SPATA17: variants seen among roughly 807,000 people sequenced by gnomAD.
The protein encoded by SPATA17 is spermatogenesis associated 17, also known as spermatogenesis-associated protein 17.
A neutral mutation model predicts 62.2 loss-of-function variants in SPATA17; 53 were observed. The observed-to-expected ratio is 0.85, with a 90% CI of 0.68 to 1.07. SPATA17 has a LOEUF of 1.07. SPATA17 is among the 50% of genes least tolerant of loss of function. SPATA17 has a pLI of 0.00. For missense variants in SPATA17, 466 were observed against 425.5 expected, an observed-to-expected ratio of 1.10 and a Z score of -0.84; for synonymous variants, 146 against 146.8, an observed-to-expected ratio of 0.99 and a Z score of 0.04.
intron 1 of SPATA17, among the ~76,000 whole-genome samples, chr1:217,633,108 G>T (rs1417112540): frequency 6.6e-6 from 1 of 152,094 alleles, no homozygotes; most frequent in East Asian, 1.9e-4. Context: ...TGAGGCAAGA[G>T]AATCAGTTGA....
At chr1:217,638,881 T>C (rs1408056552) in intron 1 of SPATA17, among the ~76,000 whole-genome samples, 1 of 151,956 alleles carries the variant, frequency 6.6e-6, no homozygotes, top group Non-Finnish European at 1.5e-5. Flanking sequence ...AATATAAATA[T>C]GTTAGGAAGG....
intron 9 of SPATA17, chr1:217,850,771 G>A: frequency 5.0e-6 from 3 of 597,392 alleles, no homozygotes; most frequent in Non-Finnish European, 8.1e-6. Flanking sequence ...TTATTTTTAT[G>A]TATATTTGAA....
intron 5 of SPATA17, among the ~76,000 whole-genome samples, chr1:217,719,521 A>G (rs1672077518): frequency 6.6e-6 from 1 of 152,204 alleles, no homozygotes; most frequent in African/African-American, 2.4e-5. Context: ...CTTCTTTGGG[A>G]AAGGAATGAA....
At chr1:217,650,827 A>G (rs1670296219) in intron 2 of SPATA17, among the ~76,000 whole-genome samples, 2 of 152,250 alleles carry the variant, frequency 1.3e-5, no homozygotes, top group South Asian at 4.1e-4. Flanking sequence ...ACATTCAAAA[A>G]TATGTTAAAG....
intron 5 of SPATA17, among the ~76,000 whole-genome samples, chr1:217,728,222 A>T (rs1672314856): frequency 6.6e-6 from 1 of 152,176 alleles, no homozygotes; most frequent in South Asian, 2.1e-4. Context: ...ATAGGAAATA[A>T]TATTTTAATC....
chr1:217,784,681 A>G (rs1261503024), intron 8 of SPATA17, among the ~76,000 whole-genome samples: 1 of 152,190 alleles, frequency 6.6e-6, no homozygotes, highest in Non-Finnish European at 1.5e-5. Flanking sequence ...GAGAATTATT[A>G]ACATGCTTTG....
intron 5 of SPATA17, among the ~76,000 whole-genome samples, chr1:217,690,479 T>A (rs1238022171): frequency 3.1e-4 from 46 of 146,624 alleles, no homozygotes; most frequent in African/African-American, 9.9e-4. Context: ...TTTTATTTTT[T>A]TTTTTTTTAA....
chr1:217,846,019 G>T (rs1675518593), intron 9 of SPATA17, among the ~76,000 whole-genome samples: 1 of 152,064 alleles, frequency 6.6e-6, no homozygotes, highest in Non-Finnish European at 1.5e-5. Context: ...TAGCCTCTAT[G>T]ATAGAAAAGA....
chr1:217,819,641 A>C (rs1431505564), intron 9 of SPATA17, among the ~76,000 whole-genome samples: 2 of 152,064 alleles, frequency 1.3e-5, no homozygotes, highest in East Asian at 3.9e-4. Flanking sequence ...TTTTACACCC[A>C]AAGGTTTGCA....
At chr1:217,856,946 G>A (rs1285962587) in intron 9 of SPATA17, among the ~76,000 whole-genome samples, 2 of 152,120 alleles carry the variant, frequency 1.3e-5, no homozygotes, top group East Asian at 3.8e-4. Flanking sequence ...TTGAAGTCTC[G>A]TTCAGGATAT....
chr1:217,652,653 G>T (rs544437237), intron 3 of SPATA17, among the ~76,000 whole-genome samples: 69 of 152,116 alleles, frequency 4.5e-4, no homozygotes, highest in Admixed American at 8.5e-4. Context: ...TTAACATTTT[G>T]GAAAGGAAAA....
chr1:217,748,286 GA>G, intron 6 of SPATA17, among the ~76,000 whole-genome samples: 1 of 139,954 alleles, frequency 7.1e-6, no homozygotes, highest in South Asian at 2.3e-4. Flanking sequence ...CTGGGCAACA[GA>G]GCGAGACTCC....
intron 5 of SPATA17, among the ~76,000 whole-genome samples, chr1:217,699,032 C>T (rs1671531261): frequency 1.3e-5 from 2 of 152,116 alleles, no homozygotes; most frequent in Admixed American, 6.6e-5. Context: ...AAAATGTGCT[C>T]AAGTTGTTGC....
chr1:217,648,183 C>T (rs531296061), intron 1 of SPATA17, among the ~76,000 whole-genome samples: 1 of 152,182 alleles, frequency 6.6e-6, no homozygotes, highest in African/African-American at 2.4e-5. Flanking sequence ...TGGTGCCTTC[C>T]GTTCATTATC....
At chr1:217,799,800 T>TTAGA (rs1674258564) in intron 8 of SPATA17, among the ~76,000 whole-genome samples, 1 of 152,082 alleles carries the variant, frequency 6.6e-6, no homozygotes, top group Non-Finnish European at 1.5e-5. Context: ...CTTAACTAAA[T>TTAGA]TAGATCATCT....
intron 9 of SPATA17, among the ~76,000 whole-genome samples, chr1:217,816,833 C>T (rs1674728464): frequency 6.6e-6 from 1 of 151,948 alleles, no homozygotes; most frequent in Non-Finnish European, 1.5e-5. Flanking sequence ...TTGAACCATC[C>T]TTGTATTCCT....
intron 5 of SPATA17, among the ~76,000 whole-genome samples, chr1:217,697,015 G>T (rs1307560495): frequency 1.3e-5 from 2 of 152,092 alleles, no homozygotes; most frequent in African/African-American, 4.8e-5. Context: ...TGTTGTTTTT[G>T]TATTCTTTTG....
At chr1:217,696,392 T>C (rs918314791) in intron 5 of SPATA17, among the ~76,000 whole-genome samples, 14 of 152,272 alleles carry the variant, frequency 9.2e-5, no homozygotes, top group African/African-American at 3.4e-4. Context: ...GCCCACTGTC[T>C]GGCACTCCCT....
At chr1:217,677,034 C>A (rs1053339158) in intron 4 of SPATA17, among the ~76,000 whole-genome samples, 1 of 152,004 alleles carries the variant, frequency 6.6e-6, no homozygotes, top group Non-Finnish European at 1.5e-5. Flanking sequence ...AATTATTTAA[C>A]TTGATTATAG....
Sources: gnomAD v4.1 joint callset for allele counts (sites outside exome capture counted in the v4.1 genomes callset) on GRCh38, gnomAD v4.1.1 for gene constraint, MANE v1.5 for transcripts, NCBI Gene and HGNC (gene_info 2026-07-23, HGNC 2026-07-21) for gene names.